Variants in HERC2 observed in about 807,000 individuals in gnomAD.
The protein encoded by HERC2 is E3 ubiquitin-protein ligase HERC2.
In HERC2, 102 loss-of-function variants were observed where a neutral mutation model predicts 537.7. That is an observed-to-expected ratio of 0.19 (90% CI 0.16 to 0.22). The LOEUF is 0.22. Among genes scored for constraint, HERC2 ranks in the 10% least tolerant of loss-of-function variants. The pLI is 1.00. For missense variants in HERC2, 4,236 were observed against 6,198.2 expected, an observed-to-expected ratio of 0.68 and a Z score of 10.63; for synonymous variants, 2,224 against 2,466.2, an observed-to-expected ratio of 0.90 and a Z score of 2.91.
intron 3 of HERC2, among the ~76,000 whole-genome samples, chr15:28,295,439 GAC>G (rs1490906790): frequency 6.6e-6 from 1 of 152,120 alleles, no homozygotes; most frequent in African/African-American, 2.4e-5. Flanking sequence ...GTTCTTTTGA[GAC>G]AGAGTCTTGA....
At position 28,272,990 on chromosome 15, in the gene HERC2, G is replaced by A. The variant is rs201979656; in HGVS notation, c.815C>T (p.Thr272Met). The A allele has an allele frequency of 1.3e-4, 210 of 1,612,280 alleles. No homozygotes were observed. In the Admixed American group the frequency reaches 3.0e-3, roughly 23 times the overall value. ...RSVVTGDVHG[T>M]PATKGPGSIP... is the part of the protein sequence containing the mutation. ...GCTTCCTGGCCCTTTGGTGGCTGGCGTTCCGTGAACATCCCTGAAATGAAA... is the reference window on the plus strand; with the variant it reads ...GCTTCCTGGCCCTTTGGTGGCTGGCATTCCGTGAACATCCCTGAAATGAAA... Residue 272 changes from threonine (T) to methionine (M), a missense_variant, in exon 8 of 93, where the codon ACG (threonine) becomes ATG (methionine). Physicochemically the swap from Thr to Met is moderately conservative, Grantham distance 81. Around this residue, in one of 27 missense-constraint regions of HERC2, gnomAD observed 491 missense variants for 559.3 expected, o/e 0.88. Coordinates refer to ENST00000261609, the MANE Select transcript of HERC2 (RefSeq NM_004667.6).
Position 28,238,904 on chromosome 15 carries a change from T to C in HERC2, c.3578-132A>G, listed in dbSNP as rs561693207. The C allele has an allele frequency of 2.4e-4, 176 of 735,536 alleles. 1 individual carries two copies. In the South Asian group the frequency reaches 2.5e-3, roughly 10 times the overall value. The allele number at this position is 735,536 out of a possible 1,614,324, so 45.6% of individuals were successfully genotyped here. A position where few individuals can be genotyped will look rare whatever the true frequency, so the allele number is the denominator to read the frequency against. On this transcript the variant is annotated intron_variant, in intron 23 of 92. Transcript: ENST00000261609. ...ACAATGGGAGAAATACATACCTAGC[T>C]CTGAAACTAATACCACACATACAAA...
chr15:28,219,579 G>C (rs1303162866), intron 37 of HERC2, among the ~76,000 whole-genome samples: 1 of 152,238 alleles, frequency 6.6e-6, no homozygotes, highest in African/African-American at 2.4e-5. Context: ...GGCCCCAGAA[G>C]TGACGTGTCA....
intron 2 of HERC2, among the ~76,000 whole-genome samples, chr15:28,321,097 TAATAATA>T (rs1393065563): frequency 8.5e-5 from 13 of 152,242 alleles, no homozygotes; most frequent in Admixed American, 7.8e-4. Flanking sequence ...TCTTAACCAG[TAATAATA>T]AATAGGAAAA....
chr15:28,275,922 A>T (rs542186829), intron 5 of HERC2, among the ~76,000 whole-genome samples: 29 of 152,256 alleles, frequency 1.9e-4, no homozygotes, highest in Admixed American at 6.5e-4. Flanking sequence ...ATATTCTCCA[A>T]ATTTACTAAA....
intron 57 of HERC2, among the ~76,000 whole-genome samples, chr15:28,181,945 CT>C (rs1895865237): frequency 6.6e-6 from 1 of 152,196 alleles, no homozygotes; most frequent in Admixed American, 6.5e-5. Context: ...CATGTGCATT[CT>C]GCTTGTTTCT....
At chr15:28,141,978 T>A in intron 76 of HERC2, 132 bp from the exon 77 acceptor site, 1 of 783,056 alleles carries the variant, frequency 1.3e-6, no homozygotes, top group South Asian at 1.7e-5. Flanking sequence ...TTATGGTTCA[T>A]GGGCAAAACC....
At chr15:28,301,878 C>A (rs1004704403) in intron 2 of HERC2, among the ~76,000 whole-genome samples, 1 of 147,564 alleles carries the variant, frequency 6.8e-6, no homozygotes, top group Non-Finnish European at 1.5e-5. Context: ...CAGCTCACTG[C>A]AACCTTTGCC....
chr15:28,232,271 G>A (rs1444303059), intron 30 of HERC2, among the ~76,000 whole-genome samples: 10 of 152,102 alleles, frequency 6.6e-5, no homozygotes, highest in South Asian at 2.1e-4. Context: ...GGCCAGGCGC[G>A]GTGGCTCACG....
chr15:28,210,353 T>C (rs1899044849), intron 44 of HERC2, among the ~76,000 whole-genome samples: 1 of 152,200 alleles, frequency 6.6e-6, no homozygotes, highest in Non-Finnish European at 1.5e-5. Flanking sequence ...CAGGATGGTC[T>C]CTAGCTCCTG....
chr15:28,263,025 A>T lies in HERC2; in HGVS notation c.2015T>A (p.Leu672Ter). ...VRCGSQFSIALTKDGQVYSWG... is the reference protein window; with the variant it reads ...VRCGSQFSIA ...TGAATAAACTTGGCCATCTTTCGTC[A>T]AAGCAATGGAAAACTGACTTCCACA... The change falls in exon 15 of 93, where the codon TTG (leucine) becomes TAG (stop). Residue 672 changes from leucine (L) to a stop codon, truncating the protein, a stop_gained. Transcript: ENST00000261609. LOFTEE classifies it high-confidence loss of function. The T allele has an allele frequency of 1.9e-6, 3 of 1,614,204 alleles. No individual in the cohort carries two copies. Among genetic ancestry groups the T allele is most frequent in the Non-Finnish European group, 2.5e-6 (3 of 1,180,028 alleles).
At chr15:28,156,791 G>C (rs1893058767) in intron 69 of HERC2, among the ~76,000 whole-genome samples, 1 of 152,156 alleles carries the variant, frequency 6.6e-6, no homozygotes, top group African/African-American at 2.4e-5. Flanking sequence ...ACACTATGTT[G>C]AACAGGAGTG....
At position 28,260,777 on chromosome 15, in the gene HERC2, C is replaced by G; in HGVS notation, c.2316G>C (p.Gln772His). 1 of 1,613,438 alleles carries G rather than the reference C, an allele frequency of 6.2e-7. No individual in the cohort carries two copies. The highest frequency in any genetic ancestry group is 8.5e-7 in the Non-Finnish European group (1 of 1,179,514). ...HIVGIACGPA[Q>H]SFAWSSCSEW... The stretch of plus-strand genomic sequence containing the variant: ...CCAAATCAAGCTCTATATTCAGTAC[C>G]TGGGCAGGCCCACAGGCAATTCCCA... Residue 772 changes from glutamine (Q) to histidine (H), a missense_variant and splice_region_variant, in exon 16 of 93, where the codon CAG (glutamine) becomes CAC (histidine). By Grantham distance (24) the Gln-to-His change is conservative. Coordinates refer to ENST00000261609, the MANE Select transcript of HERC2 (RefSeq NM_004667.6).
intron 4 of HERC2, among the ~76,000 whole-genome samples, chr15:28,288,849 A>AG (rs1386018886): frequency 9.5e-6 from 1 of 104,888 alleles, no homozygotes; most frequent in Non-Finnish European, 1.8e-5. Flanking sequence ...ACTCCATCTC[A>AG]AAAAAAAAAA....
intron 57 of HERC2, 56 bp downstream of exon 57, chr15:28,182,345 A>G: frequency 9.6e-7 from 1 of 1,043,710 alleles, no homozygotes. Flanking sequence ...AAACTTCACG[A>G]GGTGTGGCTG....
chr15:28,116,966 G>T (rs183035374), intron 87 of HERC2, 47 bp downstream of exon 87: 1 of 1,613,152 alleles, frequency 6.2e-7, no homozygotes, highest in Non-Finnish European at 8.5e-7. Flanking sequence ...GGGCTCAGGC[G>T]ACCACTGCCG....
At chr15:28,154,510 T>C (rs1490810468) in intron 69 of HERC2, among the ~76,000 whole-genome samples, 1 of 152,192 alleles carries the variant, frequency 6.6e-6, no homozygotes, top group African/African-American at 2.4e-5. Flanking sequence ...AGCGCCCATG[T>C]GCAGAGTCGA....
At chr15:28,183,722 C>T (rs1896037662) in intron 56 of HERC2, among the ~76,000 whole-genome samples, 1 of 152,162 alleles carries the variant, frequency 6.6e-6, no homozygotes, top group African/African-American at 2.4e-5. Context: ...AGACGGCTTC[C>T]AGACAGGTAT....
chr15:28,231,209 G>T (rs1473880038), intron 30 of HERC2, among the ~76,000 whole-genome samples: 2 of 152,120 alleles, frequency 1.3e-5, no homozygotes, highest in African/African-American at 4.8e-5. Flanking sequence ...ATACACCTGG[G>T]CAGTAAAGAG....
Sources: allele counts gnomAD v4.1 joint callset (sites outside exome capture counted in the v4.1 genomes callset), GRCh38; gene constraint gnomAD v4.1.1; regional missense constraint gnomAD v4.1.1; transcripts MANE v1.5; gene names NCBI Gene and HGNC (gene_info 2026-07-23, HGNC 2026-07-21).